Variants in SHANK2 observed in about 807,000 individuals in gnomAD.
The protein encoded by SHANK2 is SH3 and multiple ankyrin repeat domains protein 2.
In SHANK2, 43 loss-of-function variants were observed where a neutral mutation model predicts 133.7. The observed-to-expected ratio is 0.32, with a 90% CI of 0.25 to 0.41. The LOEUF is 0.41. Among genes scored for constraint, SHANK2 ranks in the 10% least tolerant of loss-of-function variants. SHANK2 has a pLI of 1.00. For missense variants in SHANK2, 1,994 were observed against 2,235.8 expected (o/e 0.89, Z 2.18); for synonymous variants, 1,017 against 952.8 (o/e 1.07, Z -1.24).
chr11:71,239,321 G>A (rs1954860374), intron 1 of SHANK2, among the ~76,000 whole-genome samples: 1 of 152,176 alleles, frequency 6.6e-6, no homozygotes, highest in African/African-American at 2.4e-5. Flanking sequence ...TATGCACAAA[G>A]CTCCTGGCTC....
intron 11 of SHANK2, among the ~76,000 whole-genome samples, chr11:70,885,205 G>A (rs985479066): frequency 6.6e-5 from 10 of 152,168 alleles, no homozygotes; most frequent in African/African-American, 2.2e-4. Flanking sequence ...GGGGAACCGC[G>A]CAGGGACCGC....
rs1444082251 is a variant in SHANK2 at position 70,951,771 on chromosome 11, C to T, written c.1108-55204G>A. 2.0e-5 allele frequency among the ~76,000 whole-genome samples: 3 copies of T among 152,354 alleles called. No homozygotes were observed. In the South Asian group the frequency reaches 6.2e-4, roughly 32 times the overall value. ...AGGTGTTGGCAGGGCTGCCCACCCCCACCCAAAGGCTCTAGGGGAGGGTCT... is the reference window on the plus strand; with the variant it reads ...AGGTGTTGGCAGGGCTGCCCACCCCTACCCAAAGGCTCTAGGGGAGGGTCT... On this transcript the variant is annotated intron_variant, in intron 10 of 25. Transcript: ENST00000601538.
At chr11:70,571,748 C>G (rs192858876) in intron 17 of SHANK2, among the ~76,000 whole-genome samples, 2 of 151,810 alleles carry the variant, frequency 1.3e-5, no homozygotes, top group African/African-American at 4.8e-5. Flanking sequence ...GAGGGTGGTG[C>G]GTGCAGGGAG....
chr11:71,062,465 A>G (rs992504194), intron 9 of SHANK2, among the ~76,000 whole-genome samples: 69,359 of 151,952 alleles, frequency 0.46, 15,977 homozygotes, highest in African/African-American at 0.49. Flanking sequence ...TCATGGGGGT[A>G]GGCATCAGTG....
intron 3 of SHANK2, among the ~76,000 whole-genome samples, chr11:71,120,507 A>G (rs755694331): frequency 6.6e-6 from 1 of 151,138 alleles, no homozygotes; most frequent in Non-Finnish European, 1.5e-5. Context: ...GGGACGGCCA[A>G]CAGGAGGTCG....
chr11:70,556,465 G>C (rs1316288163), intron 17 of SHANK2, among the ~76,000 whole-genome samples: 1 of 151,370 alleles, frequency 6.6e-6, no homozygotes, highest in Non-Finnish European at 1.5e-5. Flanking sequence ...GCCCAGGCTG[G>C]GTTGCCAGGA....
intron 9 of SHANK2, among the ~76,000 whole-genome samples, chr11:71,073,147 C>CTTTTCTTTTTTTTTTTTTTTTTTTTTTTT (rs1951166965): frequency 3.2e-5 from 2 of 62,758 alleles, no homozygotes; most frequent in East Asian, 4.5e-4. Context: ...TTTTTCTTTT[C>CTTTTCTTTTTTTTTTTTTTTTTTTTTTTT]TTTTTTTTCT....
In SHANK2 at chr11:70,495,300, G is replaced by A. The variant is rs554356734; in HGVS notation, c.2309-2835C>T. 2.6e-5 allele frequency among the ~76,000 whole-genome samples: 4 copies of A among 152,328 alleles called. No individual in the cohort carries two copies. The East Asian group carries it at 7.7e-4, about 29-fold the overall frequency. ...GGAGCCTTTCCCCTCCCAGGGCTGG[G>A]CTGGGACTCCTTGGATGGCTGGGGT... On this transcript the variant is annotated intron_variant, in intron 21 of 25. Coordinates refer to ENST00000601538, the MANE Select transcript of SHANK2 (RefSeq NM_012309.5).
chr11:70,672,387 A>G (rs1275305349), intron 15 of SHANK2, among the ~76,000 whole-genome samples: 4 of 152,138 alleles, frequency 2.6e-5, no homozygotes, highest in Admixed American at 1.3e-4. Context: ...CGAGGATAAA[A>G]TCCAAATTCT....
chr11:70,928,070 A>G (rs1013009126), intron 10 of SHANK2, among the ~76,000 whole-genome samples: 2 of 152,110 alleles, frequency 1.3e-5, no homozygotes, highest in Non-Finnish European at 2.9e-5. Flanking sequence ...ATATATGTAT[A>G]TATTTATATA....
rs1195830001 is a variant in SHANK2, at chr11:71,169,665, C to T, written c.-12-22327G>A. ...ACTCGGGAGGCTAAGGCAGGAAAACCGCTTGAACCCAGGGTGCAGAGGTTG... is the reference window on the plus strand; with the variant it reads ...ACTCGGGAGGCTAAGGCAGGAAAACTGCTTGAACCCAGGGTGCAGAGGTTG... On this transcript the variant is annotated intron_variant, in intron 2 of 25. Transcript: ENST00000601538. Among the ~76,000 whole-genome samples the T allele has an allele frequency of 2.7e-5, 4 of 150,940 alleles. No individual in the cohort carries two copies. In the South Asian group the frequency reaches 6.3e-4, roughly 24 times the overall value.
intron 11 of SHANK2, among the ~76,000 whole-genome samples, chr11:70,884,317 C>A (rs1305149818): frequency 6.6e-6 from 1 of 152,198 alleles, no homozygotes; most frequent in Admixed American, 6.5e-5. Flanking sequence ...GAGTGACCTA[C>A]CAGATGTTCA....
intron 8 of SHANK2, among the ~76,000 whole-genome samples, chr11:71,090,949 G>C (rs1951507931): frequency 6.6e-6 from 1 of 152,084 alleles, no homozygotes; most frequent in Non-Finnish European, 1.5e-5. Context: ...ACATCATGGA[G>C]GGTCATCGGC....
chr11:70,577,188 G>A (rs903905526), intron 17 of SHANK2, among the ~76,000 whole-genome samples: 7 of 152,212 alleles, frequency 4.6e-5, no homozygotes, highest in African/African-American at 1.2e-4. Context: ...CGTGATCCCC[G>A]TGGGGTGAGA....
intron 21 of SHANK2, among the ~76,000 whole-genome samples, chr11:70,496,609 G>A (rs1228286266): frequency 6.6e-6 from 1 of 152,220 alleles, no homozygotes; most frequent in East Asian, 1.9e-4. Flanking sequence ...ATGAGAAGCT[G>A]GCTGTAGTAA....
chr11:70,493,605 C>G (rs993281001), intron 21 of SHANK2, among the ~76,000 whole-genome samples: 2 of 152,014 alleles, frequency 1.3e-5, no homozygotes, highest in Admixed American at 6.6e-5. Context: ...GCCACTGAGA[C>G]CTGGAGAGCT....
chr11:70,544,432 C>G (rs1420895962), intron 17 of SHANK2, among the ~76,000 whole-genome samples: 4 of 152,232 alleles, frequency 2.6e-5, no homozygotes, highest in Non-Finnish European at 5.9e-5. Context: ...AAGGCTACTG[C>G]CCCTGTCTGT....
At chr11:70,483,341 C>T (rs576608156) in intron 25 of SHANK2, among the ~76,000 whole-genome samples, 32 of 152,076 alleles carry the variant, frequency 2.1e-4, no homozygotes, top group African/African-American at 7.2e-4. Flanking sequence ...TTATTGCTTC[C>T]ACATAGAGTA....
chr11:70,695,910 C>G (rs1945382475), intron 15 of SHANK2, among the ~76,000 whole-genome samples: 1 of 152,242 alleles, frequency 6.6e-6, no homozygotes, highest in Non-Finnish European at 1.5e-5. Flanking sequence ...ACTCCTAACT[C>G]TGATCAAGGC....
Sources: allele counts gnomAD v4.1 joint callset (sites outside exome capture counted in the v4.1 genomes callset), GRCh38; gene constraint gnomAD v4.1.1; transcripts MANE v1.5; gene names NCBI Gene and HGNC (gene_info 2026-07-23, HGNC 2026-07-21).